The following IPO11 variants were observed in gnomAD, a reference collection of about 807,000 sequenced individuals.
IPO11 encodes importin-11.
Under a neutral mutation model 143.2 loss-of-function variants are expected in IPO11, and 66 were observed. The observed-to-expected ratio is 0.46, with a 90% CI of 0.38 to 0.57. The LOEUF (loss-of-function observed/expected upper bound fraction) is 0.57, where lower values mean the gene tolerates loss of function less well. Among genes scored for constraint, IPO11 ranks in the 20% least tolerant of loss-of-function variants. The pLI is 0.00. For missense variants in IPO11, 1,026 were observed against 1,141.0 expected (o/e 0.90, Z 1.45); for synonymous variants, 385 against 377.8 (o/e 1.02, Z -0.22).
intron 27 of IPO11, among the ~76,000 whole-genome samples, chr5:62,571,983 G>A (rs1744145723): frequency 6.6e-6 from 1 of 152,166 alleles, no homozygotes; most frequent in African/African-American, 2.4e-5. Context: ...ACTGCACCCG[G>A]CCTTATTAAA....
chr5:62,485,874 A>G (rs1746380847), intron 12 of IPO11, among the ~76,000 whole-genome samples: 1 of 151,398 alleles, frequency 6.6e-6, no homozygotes, highest in African/African-American at 2.4e-5. Context: ...AAAAAATTAA[A>G]GATTCCCAAC....
chr5:62,475,202 T>C (rs1413452869), intron 8 of IPO11, among the ~76,000 whole-genome samples: 2 of 151,864 alleles, frequency 1.3e-5, no homozygotes, highest in East Asian at 3.9e-4. Flanking sequence ...CCACCTTGTC[T>C]GGCCAAAATA....
chr5:62,587,784 A>G (rs1224804508), intron 27 of IPO11, among the ~76,000 whole-genome samples: 2 of 152,174 alleles, frequency 1.3e-5, no homozygotes, highest in East Asian at 3.8e-4. Flanking sequence ...TGTGGATACT[A>G]TTATGCCTCC....
At chr5:62,611,512 G>A (rs937808412) in intron 29 of IPO11, among the ~76,000 whole-genome samples, 11 of 152,144 alleles carry the variant, frequency 7.2e-5, no homozygotes, top group African/African-American at 2.7e-4. Flanking sequence ...TGATAGTGAT[G>A]GTTATTTTTT....
chr5:62,615,140 T>G (rs1419791991), intron 29 of IPO11, among the ~76,000 whole-genome samples: 2 of 152,132 alleles, frequency 1.3e-5, no homozygotes, highest in Non-Finnish European at 2.9e-5. Context: ...ATGGAAACTT[T>G]TGGGCATGAA....
chr5:62,462,727 A>G (rs924813754), intron 5 of IPO11, among the ~76,000 whole-genome samples: 1 of 151,974 alleles, frequency 6.6e-6, no homozygotes, highest in African/African-American at 2.4e-5. Context: ...ATCTGACACA[A>G]TTTCAAAATA....
chr5:62,524,281 T>C (rs1228624356), intron 20 of IPO11, among the ~76,000 whole-genome samples: 1 of 152,132 alleles, frequency 6.6e-6, no homozygotes, highest in African/African-American at 2.4e-5. Flanking sequence ...ATTAGTATTC[T>C]ACTATAATTA....
chr5:62,551,205 T>C lies in IPO11; in HGVS notation c.2347-18T>C. ...TACCATAACACAATTTTACATGTGTTGTATTTTAATTGTACAGAGGTATCC... is the reference window on the plus strand; with the variant it reads ...TACCATAACACAATTTTACATGTGTCGTATTTTAATTGTACAGAGGTATCC... On this transcript the variant is annotated intron_variant, in intron 25 of 29. Transcript: ENST00000325324. 7.4e-7 allele frequency: 1 copy of C among 1,345,440 alleles called. No individual in the cohort carries two copies. The highest frequency in any genetic ancestry group is 1.2e-5 in the South Asian group (1 of 80,270). The allele number at this position is 1,345,440 out of a possible 1,614,324, so 83.3% of individuals were successfully genotyped here.
At chr5:62,560,852 A>G (rs1480694875) in intron 26 of IPO11, 1 of 205,040 alleles carries the variant, frequency 4.9e-6, no homozygotes. Flanking sequence ...ATTGTACCAG[A>G]TTGGCAGTGA....
chr5:62,454,962 T>G (rs1209568817), intron 5 of IPO11, among the ~76,000 whole-genome samples: 1 of 152,168 alleles, frequency 6.6e-6, no homozygotes, highest in Non-Finnish European at 1.5e-5. Flanking sequence ...AAAATTCAGA[T>G]TAGCACTTTT....
chr5:62,590,503 G>A (rs1035266835), intron 27 of IPO11, among the ~76,000 whole-genome samples: 9 of 152,150 alleles, frequency 5.9e-5, no homozygotes, highest in Admixed American at 1.3e-4. Flanking sequence ...ATATTAATTA[G>A]GTACCATGTA....
At chr5:62,580,212 C>T (rs938713657) in intron 27 of IPO11, 18 of 1,550,860 alleles carry the variant, frequency 1.2e-5, no homozygotes, top group Middle Eastern at 3.3e-4. Context: ...AATACCTCCT[C>T]CTGAAAAATT....
chr5:62,626,880 TTGATGCTTTAAATGAATGAG>T (rs1746600896), intron 29 of IPO11, among the ~76,000 whole-genome samples: 1 of 152,146 alleles, frequency 6.6e-6, no homozygotes, highest in Non-Finnish European at 1.5e-5. Flanking sequence ...CTACTAGGCT[TTGATGCTTTAAATGAATGAG>T]TCCCCCAGCT....
chr5:62,416,874 C>T (rs541992578), intron 1 of IPO11, among the ~76,000 whole-genome samples: 22 of 151,934 alleles, frequency 1.4e-4, no homozygotes, highest in African/African-American at 5.1e-4. Flanking sequence ...ACAGGTGAGG[C>T]GCAGGCCACC....
At chr5:62,575,143 A>G (rs74543323) in intron 27 of IPO11, among the ~76,000 whole-genome samples, 3,071 of 152,324 alleles carry the variant, frequency 0.02, 105 homozygotes, top group African/African-American at 0.07. Context: ...AGTAATGCTC[A>G]TGGACAAATT....
At chr5:62,423,805 G>A (rs954611889) in intron 1 of IPO11, among the ~76,000 whole-genome samples, 3 of 152,038 alleles carry the variant, frequency 2.0e-5, no homozygotes, top group African/African-American at 7.2e-5. Context: ...ATTTCTTTAA[G>A]TTTTCTAATA....
In IPO11 at chr5:62,591,567, T is replaced by G; in HGVS notation, c.2583-10T>G. On this transcript the variant is annotated splice_polypyrimidine_tract_variant and intron_variant, in intron 27 of 29. Transcript: ENST00000325324. Reference sequence around the variant, plus strand: ...TCCAGTTAACCTGTTTTGCTTTTCTTTTATTCTAGTGTTATCCAAGATAAA... The same window carrying G: ...TCCAGTTAACCTGTTTTGCTTTTCTGTTATTCTAGTGTTATCCAAGATAAA... 6.5e-7 allele frequency: 1 copy of G among 1,544,406 alleles called. No individual in the cohort carries two copies. The highest frequency in any genetic ancestry group is 1.9e-5 in the Admixed American group (1 of 52,472).
intron 19 of IPO11, among the ~76,000 whole-genome samples, chr5:62,508,208 C>T (rs1741625131): frequency 6.6e-6 from 1 of 152,146 alleles, no homozygotes; most frequent in African/African-American, 2.4e-5. Context: ...TGACTGTACC[C>T]TCTTCTCCAA....
At chr5:62,547,035 G>T (rs1000694862) in intron 24 of IPO11, among the ~76,000 whole-genome samples, 4 of 152,084 alleles carry the variant, frequency 2.6e-5, no homozygotes, top group Non-Finnish European at 4.4e-5. Context: ...AATTCCTAAA[G>T]ATACAAAAGA....
Sources: gnomAD v4.1 joint callset for allele counts (sites outside exome capture counted in the v4.1 genomes callset) on GRCh38, gnomAD v4.1.1 for gene constraint, MANE v1.5 for transcripts, NCBI Gene and HGNC (gene_info 2026-07-23, HGNC 2026-07-21) for gene names.